VPS37A: variants seen among roughly 807,000 people sequenced by gnomAD.
The protein encoded by VPS37A is vacuolar protein sorting-associated protein 37A.
VPS37A carries 30 observed loss-of-function variants against 49.8 expected under a neutral mutation model. The ratio of observed to expected loss-of-function variants is 0.60; its 90% confidence interval spans 0.45 to 0.82. VPS37A has a LOEUF of 0.82. VPS37A is among the 40% of genes least tolerant of loss of function. The pLI is 0.00. For synonymous variants in VPS37A, 195 were observed against 160.6 expected, an observed-to-expected ratio of 1.21 and a Z score of -1.62; for missense variants, 593 against 464.4, an observed-to-expected ratio of 1.28 and a Z score of -2.55.
At chr8:17,270,146 C>T (rs1171409990) in intron 4 of VPS37A, among the ~76,000 whole-genome samples, 1 of 152,094 alleles carries the variant, frequency 6.6e-6, no homozygotes, top group Non-Finnish European at 1.5e-5. Flanking sequence ...ATGAGAAATA[C>T]ACCCCCATGA....
At chr8:17,321,576 C>T in the VPS37A span, among the ~76,000 whole-genome samples, 195 of 152,282 alleles carry the variant, frequency 1.3e-3, 1 homozygote, top group African/African-American at 4.3e-3. Context: ...CACTTGAGAC[C>T]AAAGCGATTA....
chr8:17,263,208 T>C (rs1417006106), intron 1 of VPS37A, among the ~76,000 whole-genome samples: 3 of 152,210 alleles, frequency 2.0e-5, no homozygotes, highest in Non-Finnish European at 4.4e-5. Context: ...CAAAGAAGTT[T>C]AGAAGATTAT....
intron 2 of VPS37A, among the ~76,000 whole-genome samples, chr8:17,267,465 G>A (rs1054601851): frequency 2.6e-5 from 1 of 38,520 alleles, no homozygotes; most frequent in Non-Finnish European, 4.3e-5. Context: ...TAAAATTTCT[G>A]CTTGTGTGTG....
chr8:17,274,623 A>G (rs1335041710), intron 4 of VPS37A, 110 bp from the exon 5 acceptor site: 1 of 696,220 alleles, frequency 1.4e-6, no homozygotes, highest in Non-Finnish European at 2.3e-6. Context: ...TGCCATTATA[A>G]CATTTCATCT....
chr8:17,271,903 G>A (rs897621884), intron 4 of VPS37A: 5 of 447,726 alleles, frequency 1.1e-5, no homozygotes, highest in South Asian at 7.9e-5. Context: ...AGCTAGGAAT[G>A]AGAGATAAAT....
intron 1 of VPS37A, among the ~76,000 whole-genome samples, chr8:17,264,010 A>G (rs984725311): frequency 2.0e-5 from 3 of 152,206 alleles, no homozygotes; most frequent in Non-Finnish European, 4.4e-5. Context: ...CTACATGCCT[A>G]TTTAATAATA....
At chr8:17,272,386 A>G (rs1297542563) in intron 4 of VPS37A, among the ~76,000 whole-genome samples, 1 of 152,108 alleles carries the variant, frequency 6.6e-6, no homozygotes, top group African/African-American at 2.4e-5. Context: ...CCTTATTTTC[A>G]GATAAAAAAT....
intron 1 of VPS37A, among the ~76,000 whole-genome samples, chr8:17,263,742 G>A (rs1585964146): frequency 6.6e-6 from 1 of 152,090 alleles, no homozygotes; most frequent in Non-Finnish European, 1.5e-5. Flanking sequence ...TCAGGAATTC[G>A]AGACCAGCCT....
intron 10 of VPS37A, among the ~76,000 whole-genome samples, chr8:17,285,409 T>C (rs1475241340): frequency 6.6e-6 from 1 of 152,188 alleles, no homozygotes; most frequent in East Asian, 1.9e-4. Context: ...AGAAACAGTT[T>C]CTGTTCTGTT....
chr8:17,301,745 C>A (rs569226579), downstream of VPS37A: 30 of 190,494 alleles, frequency 1.6e-4, no homozygotes, highest in African/African-American at 7.0e-4. Context: ...AGTCAGTCTC[C>A]CCTTTACCAA....
At chr8:17,304,385 A>C (rs746315870), downstream of VPS37A, 1 of 1,612,088 alleles carries the variant, frequency 6.2e-7, no homozygotes, top group Non-Finnish European at 8.5e-7. Flanking sequence ...ATACTTGTAC[A>C]TGAAGTTACA....
the VPS37A span, among the ~76,000 whole-genome samples, chr8:17,325,327 C>T: frequency 6.6e-6 from 1 of 152,178 alleles, no homozygotes; most frequent in African/African-American, 2.4e-5. Flanking sequence ...CTCCAACCAT[C>T]CTTTCCACAC....
the VPS37A span, among the ~76,000 whole-genome samples, chr8:17,332,823 T>C: frequency 6.6e-6 from 1 of 152,028 alleles, no homozygotes; most frequent in Admixed American, 6.5e-5. Flanking sequence ...AACTTATAGA[T>C]ATGTATTTAA....
At position 17,247,375 on chromosome 8, in the gene VPS37A, T is replaced by A. The variant is rs1396394279; in HGVS notation, c.125+6T>A. The A allele has an allele frequency of 5.0e-6, 6 of 1,206,026 alleles. No individual in the cohort carries two copies. The South Asian group carries it at 6.4e-5, about 13-fold the overall frequency. 74.7% of individuals were successfully genotyped at this position (1,206,026 alleles called of 1,614,324 possible). A position where few individuals can be genotyped will look rare whatever the true frequency, so the allele number is the denominator to read the frequency against. ...CTCCGGAACTCACACTCCAGGTGAC[T>A]GGTCGCTGCCTCTCCACCGGAGGAA... On this transcript the variant is annotated splice_donor_region_variant and intron_variant, in intron 1 of 11. Transcript: ENST00000324849.
At chr8:17,316,146 GA>G in the VPS37A span, among the ~76,000 whole-genome samples, 1 of 152,172 alleles carries the variant, frequency 6.6e-6, no homozygotes, top group Admixed American at 6.5e-5. Flanking sequence ...GGCTTGGGCA[GA>G]TTACTTAGCC....
chr8:17,279,438 A>C (rs1308059213), intron 6 of VPS37A, among the ~76,000 whole-genome samples: 1 of 152,152 alleles, frequency 6.6e-6, no homozygotes, highest in South Asian at 2.1e-4. Context: ...CTTGTCTGTG[A>C]ACTTGTACTT....
chr8:17,276,517 A>T (rs377306224), intron 6 of VPS37A, 50 bp downstream of exon 6: 19 of 1,510,346 alleles, frequency 1.3e-5, no homozygotes, highest in Middle Eastern at 1.7e-4. Context: ...ATTTGTAAGC[A>T]TAAACCAGAT....
chr8:17,286,469 A>C (rs772606155), intron 11 of VPS37A, 42 bp downstream of exon 11: 1 of 1,561,812 alleles, frequency 6.4e-7, no homozygotes, highest in Non-Finnish European at 8.8e-7. Context: ...TGATTGCATC[A>C]GTGTTCTTTA....
the VPS37A span, among the ~76,000 whole-genome samples, chr8:17,307,471 A>G: frequency 6.6e-6 from 1 of 152,176 alleles, no homozygotes; most frequent in Non-Finnish European, 1.5e-5. Context: ...TGTGGAAGTC[A>G]GTGTGGCGAT....
Sources: allele counts gnomAD v4.1 joint callset (sites outside exome capture counted in the v4.1 genomes callset), GRCh38; gene constraint gnomAD v4.1.1; transcripts MANE v1.5; gene names NCBI Gene and HGNC (gene_info 2026-07-23, HGNC 2026-07-21).